Variants in FOXP2 observed in about 807,000 individuals in gnomAD.
FOXP2 encodes the protein forkhead box P2.
FOXP2 carries 12 observed loss-of-function variants against 115.8 expected under a neutral mutation model. The ratio of observed to expected loss-of-function variants is 0.10; its 90% CI spans 0.07 to 0.17. FOXP2 has a LOEUF of 0.17. Among genes scored for constraint, FOXP2 ranks in the 10% least tolerant of loss-of-function variants. FOXP2 has a pLI of 1.00. For missense variants in FOXP2, 629 were observed against 843.5 expected (o/e 0.75, Z 3.15); for synonymous variants, 328 against 297.7 (o/e 1.10, Z -1.05).
intron 2 of FOXP2, among the ~76,000 whole-genome samples, chr7:114,374,333 A>C (rs1373588108): frequency 2.0e-5 from 3 of 152,238 alleles, no homozygotes; most frequent in Non-Finnish European, 4.4e-5. Flanking sequence ...AAGGTTTGAT[A>C]AGGTAAAACT....
At chr7:114,615,766 T>C (rs1803915535) in intron 3 of FOXP2, among the ~76,000 whole-genome samples, 1 of 152,232 alleles carries the variant, frequency 6.6e-6, no homozygotes, top group African/African-American at 2.4e-5. Context: ...TGCTGAGGTC[T>C]GCAGCTTCAT....
chr7:114,142,474 A>G (rs1369519174), intron 1 of FOXP2, among the ~76,000 whole-genome samples: 2 of 152,230 alleles, frequency 1.3e-5, no homozygotes, highest in Non-Finnish European at 2.9e-5. Context: ...TGAATTTGAA[A>G]TGAGGGGCTA....
intron 2 of FOXP2, among the ~76,000 whole-genome samples, chr7:114,350,577 T>A (rs1171309159): frequency 6.6e-6 from 1 of 152,112 alleles, no homozygotes; most frequent in Non-Finnish European, 1.5e-5. Context: ...CCCCCTCACA[T>A]AAGAGCCTCA....
intron 3 of FOXP2, among the ~76,000 whole-genome samples, chr7:114,597,867 C>T (rs889259373): frequency 6.6e-6 from 1 of 152,100 alleles, no homozygotes; most frequent in East Asian, 1.9e-4. Flanking sequence ...TTTAAGAAAA[C>T]GTGCACTTGT....
chr7:114,309,172 G>A (rs1444999894), intron 2 of FOXP2, among the ~76,000 whole-genome samples: 1 of 152,166 alleles, frequency 6.6e-6, no homozygotes, highest in Non-Finnish European at 1.5e-5. Flanking sequence ...GATTAGACAA[G>A]TGTATCTCCC....
intron 3 of FOXP2, among the ~76,000 whole-genome samples, chr7:114,624,364 G>A (rs1175811720): frequency 6.6e-6 from 1 of 151,850 alleles, no homozygotes; most frequent in Non-Finnish European, 1.5e-5. Flanking sequence ...AAAAAGATCT[G>A]TGAACCACTA....
At chr7:114,513,418 T>G (rs1798172175) in intron 2 of FOXP2, among the ~76,000 whole-genome samples, 2 of 152,140 alleles carry the variant, frequency 1.3e-5, no homozygotes, top group Non-Finnish European at 2.9e-5. Context: ...CAGTTTTGAC[T>G]TATAATTAGA....
At chr7:114,581,905 A>G in intron 3 of FOXP2, among the ~76,000 whole-genome samples, 1 of 152,226 alleles carries the variant, frequency 6.6e-6, no homozygotes, top group East Asian at 1.9e-4. Context: ...ATTTGGCAAG[A>G]GTGTTTTCAA....
chr7:114,324,677 T>C (rs1402960639), intron 2 of FOXP2, among the ~76,000 whole-genome samples: 2 of 151,866 alleles, frequency 1.3e-5, no homozygotes, highest in Non-Finnish European at 3.0e-5. Context: ...ATAACCAATC[T>C]CACTACAGAA....
rs549182359 is a variant in FOXP2 at position 114,253,729 on chromosome 7, G to A, written c.-101-34290G>A. ...TCTCCTGAATACAGCACACTGATGG[G>A]TCTTGACTCTTTATCCAATTTGTCA... is the stretch of plus-strand genomic sequence containing the variant. On this transcript the variant is annotated intron_variant, in intron 1 of 17. Coordinates refer to the FOXP2 transcript ENST00000634411. 4.4e-4 allele frequency among the ~76,000 whole-genome samples: 67 copies of A among 152,246 alleles called. 1 individual carries two copies. Among genetic ancestry groups the A allele is most frequent in the Middle Eastern group, 3.4e-3 (1 of 292 alleles).
Position 114,414,934 on chromosome 7 carries a change from A to T in FOXP2, c.-437A>T, listed in dbSNP as rs1793268666. On this transcript the variant is annotated 5_prime_UTR_variant, in exon 1 of 17. Transcript: ENST00000350908. ...CACTCACACACATGCACACACACAC[A>T]TACACACACACAAAAATGAAGCACT... 2.5e-6 allele frequency: 1 copy of T among 402,834 alleles called. No individual in the cohort carries two copies. Among genetic ancestry groups the T allele is most frequent in the African/African-American group, 2.0e-5 (1 of 48,884 alleles). The allele number at this position is 402,834 out of a possible 1,614,324, so 25.0% of individuals were successfully genotyped here. A position where few individuals can be genotyped will look rare whatever the true frequency, so the allele number is the denominator to read the frequency against.
chr7:114,688,219 A>ATG (rs1808472038), intron 16 of FOXP2, among the ~76,000 whole-genome samples: 1 of 70,726 alleles, frequency 1.4e-5, no homozygotes, highest in Non-Finnish European at 5.0e-5. Context: ...ACACACACAC[A>ATG]CACACACACA....
chr7:114,512,938 T>C (rs891804893), intron 2 of FOXP2, among the ~76,000 whole-genome samples: 1 of 152,026 alleles, frequency 6.6e-6, no homozygotes, highest in East Asian at 1.9e-4. Context: ...AAAAATTAGC[T>C]GGGAGTGGTG....
At chr7:114,249,402 C>T (rs148467815) in intron 1 of FOXP2, among the ~76,000 whole-genome samples, 12 of 151,658 alleles carry the variant, frequency 7.9e-5, no homozygotes, top group South Asian at 2.1e-4. Context: ...GTGTGTTGTT[C>T]CCCTCCCTGT....
At chr7:114,267,703 G>A (rs1353740011) in intron 1 of FOXP2, among the ~76,000 whole-genome samples, 2 of 147,618 alleles carry the variant, frequency 1.4e-5, no homozygotes, top group Non-Finnish European at 3.0e-5. Flanking sequence ...CTCCAGCCTG[G>A]GAGACAGAGC....
rs75722103 is a variant in FOXP2 at position 114,150,035 on chromosome 7, A to G, written c.-246-12909A>G. Among the ~76,000 whole-genome samples, 195 of 152,250 alleles carry G rather than the reference A, an allele frequency of 1.3e-3. 2 individuals carry two copies. Among genetic ancestry groups the G allele is most frequent in the African/African-American group, 4.4e-3 (183 of 41,572 alleles). ...TTTTCTAGCAAGTGCTAATTTTTAA[A>G]TATGTTAAACTGCAAGAAGATTGAC... On this transcript the variant is annotated intron_variant, in intron 1 of 19. Transcript: ENST00000635638.
At chr7:114,528,235 C>A (rs528752873) in intron 2 of FOXP2, among the ~76,000 whole-genome samples, 18 of 152,182 alleles carry the variant, frequency 1.2e-4, no homozygotes, top group Middle Eastern at 3.4e-3. Flanking sequence ...GCATGGCCTT[C>A]TGTCATCTCC....
At chr7:114,445,936 A>G (rs562691021) in intron 2 of FOXP2, among the ~76,000 whole-genome samples, 1 of 152,210 alleles carries the variant, frequency 6.6e-6, no homozygotes, top group African/African-American at 2.4e-5. Flanking sequence ...GTAGAGAACT[A>G]TGTGTGTGAC....
chr7:114,582,746 A>G (rs1801932996), intron 3 of FOXP2, among the ~76,000 whole-genome samples: 1 of 152,198 alleles, frequency 6.6e-6, no homozygotes, highest in Non-Finnish European at 1.5e-5. Flanking sequence ...AATTTTAGAA[A>G]AACCTTTTAG....
Sources: gnomAD v4.1 joint callset for allele counts (sites outside exome capture counted in the v4.1 genomes callset) on GRCh38, gnomAD v4.1.1 for gene constraint, MANE v1.5 for transcripts, NCBI Gene and HGNC (gene_info 2026-07-23, HGNC 2026-07-21) for gene names.